The following RAB37 variants were observed in gnomAD, a reference collection of about 807,000 sequenced individuals.
The protein encoded by RAB37 is RAB37, member RAS oncogene family.
In RAB37, 29 loss-of-function variants were observed where a neutral mutation model predicts 33.1. That is an observed-to-expected ratio of 0.88 (90% CI 0.65 to 1.20). The LOEUF (loss-of-function observed/expected upper bound fraction) is 1.20, where lower values mean the gene tolerates loss of function less well. Ranked by LOEUF, RAB37 falls within the 50% of genes most tolerant of loss-of-function variation. The probability of loss-of-function intolerance (pLI) is 0.00; values close to 1 mark genes in which losing one functional copy is unlikely to be tolerated. For synonymous variants in RAB37, 128 were observed against 119.5 expected, an observed-to-expected ratio of 1.07 and a Z score of -0.47; for missense variants, 299 against 301.1, an observed-to-expected ratio of 0.99 and a Z score of 0.05.
At chr17:74,736,623 T>A (rs1490132192), upstream of RAB37, 1 of 1,534,506 alleles carries the variant, frequency 6.5e-7, no homozygotes, top group Non-Finnish European at 8.7e-7. Flanking sequence ...TGGGACATTC[T>A]GGGCACAACC....
At chr17:74,724,494 A>G (rs936542422) in intron 1 of RAB37, among the ~76,000 whole-genome samples, 1 of 152,208 alleles carries the variant, frequency 6.6e-6, no homozygotes, top group Non-Finnish European at 1.5e-5. Context: ...TTCCTTTCAC[A>G]TATCTGTCTC....
intron 1 of RAB37, among the ~76,000 whole-genome samples, chr17:74,687,673 G>T (rs2032081676): frequency 6.6e-6 from 1 of 152,184 alleles, no homozygotes; most frequent in Non-Finnish European, 1.5e-5. Flanking sequence ...CTACTGGAGA[G>T]CTCCACAGCT....
Position 74,730,150 on chromosome 17 carries a change from G to T in RAB37, c.183+784G>T, listed in dbSNP as rs2034367211. Reference sequence around the variant, plus strand: ...ATTCCTGGGAAGACCTTGGGAGAGGGTTCCACTCCTCTCTCGGGCTGTGGC... The same window carrying T: ...ATTCCTGGGAAGACCTTGGGAGAGGTTTCCACTCCTCTCTCGGGCTGTGGC... On this transcript the variant is annotated intron_variant, in intron 2 of 7. Transcript: ENST00000340415. This position sits in a 1 kb window ranked among gnomAD's most constrained non-coding sequence, Gnocchi z 4.4. Among the ~76,000 whole-genome samples, 1 of 152,162 alleles carries T rather than the reference G, an allele frequency of 6.6e-6. No homozygotes were observed. Among genetic ancestry groups the T allele is most frequent in the Non-Finnish European group, 1.5e-5 (1 of 68,026 alleles).
Position 74,676,704 on chromosome 17 carries a change from G to A in RAB37, c.72+5046G>A, listed in dbSNP as rs2031841070. On this transcript the variant is annotated intron_variant, in intron 1 of 7. Transcript: ENST00000340415. This position sits in a 1 kb window ranked among gnomAD's most constrained non-coding sequence, Gnocchi z 4.1. ...TGATTCCCACCTTCACTAAGCCTGT[G>A]GCCTAGAAGGCATGCACACAAATGG... Among the ~76,000 whole-genome samples the A allele has an allele frequency of 6.6e-6, 1 of 152,144 alleles. No homozygotes were observed. The highest frequency in any genetic ancestry group is 2.4e-5 in the African/African-American group (1 of 41,428).
Position 74,744,366 on chromosome 17 carries a change from G to A in RAB37, c.425G>A (p.Gly142Asp). The A allele has an allele frequency of 6.2e-7, 1 of 1,614,088 alleles. No homozygotes were observed. Among genetic ancestry groups the A allele is most frequent in the Non-Finnish European group, 8.5e-7 (1 of 1,180,006 alleles). Reference sequence around the variant, plus strand: ...AGGGACGTGGTGATCATGCTGCTAGGCAACAAGGTGAGTGGCTCCGGGGCA... The same window carrying A: ...AGGGACGTGGTGATCATGCTGCTAGACAACAAGGTGAGTGGCTCCGGGGCA... ...AQRDVVIMLL[G>D]NKADMSSERV... Residue 142 changes from glycine (G) to aspartate (D), a missense_variant, in exon 6 of 9, where the codon GGC (glycine) becomes GAC (aspartate). By Grantham distance (94) the Gly-to-Asp change is moderately conservative. Transcript: ENST00000392613. This position sits in a 1 kb window ranked among gnomAD's most constrained non-coding sequence, Gnocchi z 4.2.
Position 74,745,207 on chromosome 17 carries a change from G to C in RAB37, c.567-99G>C. 6.5e-7 allele frequency: 1 copy of C among 1,535,684 alleles called. No homozygotes were observed. The highest frequency in any genetic ancestry group is 9.0e-7 in the Non-Finnish European group (1 of 1,110,434). The stretch of plus-strand genomic sequence containing the variant: ...GCATTCTGCAGGCTGAGGTCCATTT[G>C]CTCTGGGAGCACTGGGCCACTGGGA... On this transcript the variant is annotated intron_variant, in intron 8 of 8. Coordinates refer to ENST00000392613, the MANE Select transcript of RAB37 (RefSeq NM_001006638.3). The surrounding 1 kb of genome is among the most constrained non-coding windows in gnomAD (Gnocchi z 4.5).
In RAB37 at chr17:74,729,152, G is replaced by C; in HGVS notation, c.73-104G>C. On this transcript the variant is annotated intron_variant, in intron 1 of 7. Coordinates refer to the RAB37 transcript ENST00000340415. The surrounding 1 kb of genome is among the most constrained non-coding windows in gnomAD (Gnocchi z 4.2). Reference sequence around the variant, plus strand: ...TTCTGTGTGTGTGTGTGCATGTTGTGCACATGCGTGCTTAGAAAGAATCCA... The same window carrying C: ...TTCTGTGTGTGTGTGTGCATGTTGTCCACATGCGTGCTTAGAAAGAATCCA... 2.6e-6 allele frequency: 2 copies of C among 765,190 alleles called. No homozygotes were observed. The highest frequency in any genetic ancestry group is 4.8e-6 in the Non-Finnish European group (2 of 414,764). 47.4% of individuals were successfully genotyped at this position (765,190 alleles called of 1,614,324 possible).
intron 1 of RAB37, among the ~76,000 whole-genome samples, chr17:74,720,512 AC>A (rs1193483882): frequency 1.3e-5 from 2 of 151,878 alleles, no homozygotes; most frequent in Admixed American, 1.3e-4. Context: ...AATTGCTTGA[AC>A]CCAGGAGGTG....
intron 1 of RAB37, chr17:74,677,350 C>T (rs1011551369): frequency 6.6e-6 from 1 of 152,176 alleles, no homozygotes; most frequent in East Asian, 1.9e-4. Context: ...AGACCATACT[C>T]GCCATTCTGT....
In RAB37 at chr17:74,745,443, C is replaced by T; in HGVS notation, c.*32C>T. The T allele has an allele frequency of 6.4e-7, 1 of 1,551,946 alleles. No homozygotes were observed. On this transcript the variant is annotated 3_prime_UTR_variant, in exon 9 of 9. Transcript: ENST00000392613. The surrounding 1 kb of genome is among the most constrained non-coding windows in gnomAD (Gnocchi z 4.5). ...GGGGGCAGAGAGGAGGCTCTGGAGGCACACAGGATGCAGCCTTCCCCCTCC... is the reference window on the plus strand; with the variant it reads ...GGGGGCAGAGAGGAGGCTCTGGAGGTACACAGGATGCAGCCTTCCCCCTCC...
rs771669767 is a variant in RAB37, at chr17:74,745,427, G to C, written c.*16G>C. 2.0e-5 allele frequency: 32 copies of C among 1,603,416 alleles called. No individual in the cohort carries two copies. In the African/African-American group the frequency reaches 3.3e-4, roughly 17 times the overall value. On this transcript the variant is annotated 3_prime_UTR_variant, in exon 9 of 9. Transcript: ENST00000392613. The surrounding 1 kb of genome is among the most constrained non-coding windows in gnomAD (Gnocchi z 4.5). ...CTTCATGTGAATCCCAGGGGGCAGAGAGGAGGCTCTGGAGGCACACAGGAT... is the reference window on the plus strand; with the variant it reads ...CTTCATGTGAATCCCAGGGGGCAGACAGGAGGCTCTGGAGGCACACAGGAT...
Position 74,742,997 on chromosome 17 carries a change from C to T in RAB37, c.247-132C>T. ...CCAGGTCATTGGATGCTCAGGGGCT[C>T]ATGAGAACCTAAAGAAGAAAACAGC... On this transcript the variant is annotated intron_variant, in intron 3 of 8. Transcript: ENST00000392613. The surrounding 1 kb of genome is among the most constrained non-coding windows in gnomAD (Gnocchi z 4.0). 1.9e-5 allele frequency: 14 copies of T among 754,348 alleles called. No homozygotes were observed. The South Asian group carries it at 2.3e-4, about 12-fold the overall frequency. 46.7% of individuals were successfully genotyped at this position (754,348 alleles called of 1,614,324 possible).
chr17:74,739,581 GT>G (rs1282844391), intron 1 of RAB37, among the ~76,000 whole-genome samples: 1 of 144,908 alleles, frequency 6.9e-6, no homozygotes, highest in Admixed American at 7.0e-5. Context: ...CGAGGCTGGA[GT>G]TCAGTGATGC....
rs1478162269 is a variant in RAB37 at position 74,745,258 on chromosome 17, C to T, written c.567-48C>T. The T allele has an allele frequency of 1.3e-6, 2 of 1,582,000 alleles. No homozygotes were observed. Among genetic ancestry groups the T allele is most frequent in the Admixed American group, 3.3e-5 (2 of 59,968 alleles). Reference sequence around the variant, plus strand: ...GAGGGGAGGGGGCGGCTCAGCTCCTCACCCCAGCCCAGCCCAGCCCAGCCC... The same window carrying T: ...GAGGGGAGGGGGCGGCTCAGCTCCTTACCCCAGCCCAGCCCAGCCCAGCCC... On this transcript the variant is annotated intron_variant, in intron 8 of 8. Coordinates refer to ENST00000392613, the MANE Select transcript of RAB37 (RefSeq NM_001006638.3). This position sits in a 1 kb window ranked among gnomAD's most constrained non-coding sequence, Gnocchi z 4.5.
intron 1 of RAB37, among the ~76,000 whole-genome samples, chr17:74,708,830 A>G (rs966860912): frequency 5.4e-5 from 8 of 148,352 alleles, no homozygotes; most frequent in Non-Finnish European, 1.0e-4. Context: ...CAGGAGAATG[A>G]CGTGAACCCG....
At chr17:74,701,683 C>A (rs906943272) in intron 1 of RAB37, among the ~76,000 whole-genome samples, 6 of 151,990 alleles carry the variant, frequency 3.9e-5, no homozygotes, top group Admixed American at 1.3e-4. Context: ...CATAACAAAA[C>A]CCCATCGCTA....
At chr17:74,672,876 G>A (rs946663847) in intron 1 of RAB37, 8 of 152,188 alleles carry the variant, frequency 5.3e-5, no homozygotes, top group African/African-American at 1.9e-4. Flanking sequence ...ATGGCTCTGT[G>A]CCATGCTGCC....
At chr17:74,725,699 C>T (rs931151219) in intron 1 of RAB37, among the ~76,000 whole-genome samples, 7 of 151,804 alleles carry the variant, frequency 4.6e-5, no homozygotes, top group East Asian at 3.9e-4. Context: ...TCTTGGCTCA[C>T]CGCAACCTCC....
chr17:74,695,771 A>C (rs2143547631), intron 1 of RAB37: 1 of 1,614,158 alleles, frequency 6.2e-7, no homozygotes, highest in East Asian at 2.2e-5. Context: ...GGCAGAGGAA[A>C]GCTTCGTGGT....
Sources: gnomAD v4.1 joint callset for allele counts (sites outside exome capture counted in the v4.1 genomes callset) on GRCh38, gnomAD v4.1.1 for gene constraint, Gnocchi (gnomAD v3.1) non-coding constraint, MANE v1.5 for transcripts, NCBI Gene and HGNC (gene_info 2026-07-23, HGNC 2026-07-21) for gene names.